The following FAM20B variants were observed in gnomAD, a reference collection of about 807,000 sequenced individuals.
FAM20B encodes the protein FAM20B glycosaminoglycan xylosylkinase.
A neutral mutation model predicts 43.8 loss-of-function variants in FAM20B; 23 were observed. That is an observed-to-expected ratio of 0.53 (90% confidence interval 0.38 to 0.74). The LOEUF (loss-of-function observed/expected upper bound fraction) is 0.74. FAM20B is among the 30% of genes least tolerant of loss of function. The pLI, the probability that FAM20B is intolerant of heterozygous loss-of-function variation, is 0.00. For synonymous variants in FAM20B, 178 were observed against 192.4 expected (o/e 0.93, Z 0.62); for missense variants, 440 against 510.5 (o/e 0.86, Z 1.33).
At chr1:179,022,355 A>G (rs7516491), upstream of FAM20B, among the ~76,000 whole-genome samples, 23,368 of 152,122 alleles carry the variant, frequency 0.15, 2,439 homozygotes, top group African/African-American at 0.29. Context: ...GAGCTTTCCT[A>G]GGGCTCCTCT....
chr1:179,050,966 CA>C (rs1238354807), intron 3 of FAM20B, among the ~76,000 whole-genome samples: 6 of 150,918 alleles, frequency 4.0e-5, no homozygotes, highest in African/African-American at 4.9e-5. Context: ...TACTAAAATA[CA>C]AAAAATTAGC....
intron 3 of FAM20B, 57 bp downstream of exon 3, chr1:179,050,422 G>T: frequency 7.5e-7 from 1 of 1,340,512 alleles, no homozygotes; most frequent in South Asian, 1.2e-5. Context: ...AATCTTTCTT[G>T]GAGAGGACTC....
At chr1:179,044,540 C>T (rs1183094445) in intron 2 of FAM20B, among the ~76,000 whole-genome samples, 2 of 152,170 alleles carry the variant, frequency 1.3e-5, no homozygotes, top group African/African-American at 2.4e-5. Flanking sequence ...AATATAGTTG[C>T]AATCACAGAA....
At position 179,075,989 on chromosome 1, in the gene FAM20B, G is replaced by T. The variant is rs747876078; in HGVS notation, c.*3845G>T. 6.6e-6 allele frequency: 1 copy of T among 152,164 alleles called. No homozygotes were observed. Among genetic ancestry groups the T allele is most frequent in the Admixed American group, 6.5e-5 (1 of 15,272 alleles). 9.4% of individuals were successfully genotyped at this position (152,164 alleles called of 1,614,324 possible). ...ATATGTAATGTATATAGTCGTATAT[G>T]TATTCTAGCAAGAAAAACATATTTA... On this transcript the variant is annotated 3_prime_UTR_variant, in exon 8 of 8. Coordinates refer to ENST00000263733, the MANE Select transcript of FAM20B (RefSeq NM_014864.4).
At chr1:179,019,798 C>G in the FAM20B span, among the ~76,000 whole-genome samples, 1 of 152,170 alleles carries the variant, frequency 6.6e-6, no homozygotes, top group African/African-American at 2.4e-5. Context: ...GTGAAAATAC[C>G]AGCCTGGTAT....
chr1:179,040,482 C>G (rs1393587746), intron 1 of FAM20B, among the ~76,000 whole-genome samples: 2 of 147,268 alleles, frequency 1.4e-5, no homozygotes, highest in Non-Finnish European at 3.0e-5. Context: ...GCTAGCCGGG[C>G]GGGGGGCTGA....
In FAM20B at chr1:179,064,080, G is replaced by A. The variant is rs764933820; in HGVS notation, c.728G>A (p.Arg243Gln). The A allele has an allele frequency of 1.9e-5, 30 of 1,609,848 alleles. No individual in the cohort carries two copies. The highest frequency in any genetic ancestry group is 3.3e-5 in the South Asian group (3 of 90,594). Residue 243 changes from arginine (R) to glutamine (Q), a missense_variant, in exon 5 of 8, where the codon CGA becomes CAA. Coordinates refer to ENST00000263733, the MANE Select transcript of FAM20B (RefSeq NM_014864.4). ...CGTCACCCATGGGGCAGGACTTACC[G>A]AGAAGGCAAATTGGCCAGGTAAATG... ...KHRHPWGRTY[R>Q]EGKLARWEYD...
chr1:179,035,607 T>C (rs1650193115), intron 1 of FAM20B: 3 of 507,360 alleles, frequency 5.9e-6, no homozygotes, highest in Admixed American at 2.7e-5. Flanking sequence ...TGCACGTAAC[T>C]GTGGCCCTTT....
At chr1:179,023,616 G>T (rs764987456), upstream of FAM20B, among the ~76,000 whole-genome samples, 1 of 152,220 alleles carries the variant, frequency 6.6e-6, no homozygotes, top group Non-Finnish European at 1.5e-5. Flanking sequence ...ATCAGTGAAT[G>T]AATGAATAAA....
intron 1 of FAM20B, among the ~76,000 whole-genome samples, chr1:179,030,100 A>G (rs1649946839): frequency 6.6e-6 from 1 of 152,202 alleles, no homozygotes; most frequent in African/African-American, 2.4e-5. Context: ...TCTGTGGAGT[A>G]GGAGCTTCCT....
At position 179,062,516 on chromosome 1, in the gene FAM20B, G is replaced by C. The variant is rs533727091; in HGVS notation, c.575-1411G>C. ...AAATACAAAAACTAGCTGGCATGGT[G>C]GTGGGCGCCTGTAGTCCCAGCTACT... On this transcript the variant is annotated intron_variant, in intron 4 of 7. Transcript: ENST00000263733. Among the ~76,000 whole-genome samples, 38 of 152,150 alleles carry C rather than the reference G, an allele frequency of 2.5e-4. 1 individual carries two copies. The South Asian group carries it at 6.9e-3, about 27-fold the overall frequency.
At chr1:179,041,585 A>T (rs1650535914) in intron 1 of FAM20B, among the ~76,000 whole-genome samples, 1 of 151,474 alleles carries the variant, frequency 6.6e-6, no homozygotes, top group South Asian at 2.1e-4. Context: ...AGTACAGTCC[A>T]GCTTCGGCTC....
At chr1:179,031,978 A>G (rs1643872157) in intron 1 of FAM20B, among the ~76,000 whole-genome samples, 1 of 152,180 alleles carries the variant, frequency 6.6e-6, no homozygotes, top group South Asian at 2.1e-4. Context: ...AATTAGTGAC[A>G]GCCTCCCAGT....
At chr1:179,047,516 C>T (rs533585672) in intron 2 of FAM20B, among the ~76,000 whole-genome samples, 10 of 152,240 alleles carry the variant, frequency 6.6e-5, no homozygotes, top group African/African-American at 2.4e-4. Context: ...GCTCCCGCAT[C>T]ATCTCCTAAA....
intron 1 of FAM20B, among the ~76,000 whole-genome samples, chr1:179,043,167 C>T (rs1015085971): frequency 2.6e-5 from 4 of 152,250 alleles, no homozygotes; most frequent in Admixed American, 6.5e-5. Context: ...TGGCCTCCCT[C>T]CCATGCTCAT....
At chr1:179,047,532 TGTGTCCA>T (rs146953643) in intron 2 of FAM20B, among the ~76,000 whole-genome samples, 3,274 of 152,310 alleles carry the variant, frequency 0.021, 62 homozygotes, top group Middle Eastern at 0.041. Flanking sequence ...CTAAACAGCC[TGTGTCCA>T]CTCCCAGCAA....
At chr1:179,062,709 C>T (rs1651521991) in intron 4 of FAM20B, among the ~76,000 whole-genome samples, 1 of 152,070 alleles carries the variant, frequency 6.6e-6, no homozygotes, top group African/African-American at 2.4e-5. Flanking sequence ...ACTAGTATTT[C>T]CAATTCTAAT....
chr1:179,062,841 C>A (rs1005731151), intron 4 of FAM20B, among the ~76,000 whole-genome samples: 1 of 152,180 alleles, frequency 6.6e-6, no homozygotes, highest in Non-Finnish European at 1.5e-5. Flanking sequence ...AACTTCCCCC[C>A]TTCCTCTATA....
chr1:179,044,432 C>G (rs1650681900), intron 2 of FAM20B, among the ~76,000 whole-genome samples: 1 of 152,222 alleles, frequency 6.6e-6, no homozygotes, highest in South Asian at 2.1e-4. Context: ...TAAAAATCCT[C>G]TGTGTTCTAC....
Sources: gnomAD v4.1 joint callset for allele counts (sites outside exome capture counted in the v4.1 genomes callset) on GRCh38, gnomAD v4.1.1 for gene constraint, MANE v1.5 for transcripts, NCBI Gene and HGNC (gene_info 2026-07-23, HGNC 2026-07-21) for gene names.